The following NXNL2 variants were observed in gnomAD, a reference collection of about 807,000 sequenced individuals.
NXNL2 encodes the protein nucleoredoxin like 2.
Under a neutral mutation model 11.1 loss-of-function variants are expected in NXNL2, and 7 were observed. That is an observed-to-expected ratio of 0.63 (90% CI 0.36 to 1.18). The LOEUF is 1.18. Ranked by LOEUF, NXNL2 falls within the 50% of genes most tolerant of loss-of-function variation. The pLI, the probability that NXNL2 is intolerant of heterozygous loss-of-function variation, is 0.02. For missense variants in NXNL2, 233 were observed against 217.7 expected, an observed-to-expected ratio of 1.07 and a Z score of -0.44; for synonymous variants, 109 against 101.8, an observed-to-expected ratio of 1.07 and a Z score of -0.42.
chr9:88,576,572 C>T (rs910048614), downstream of NXNL2, among the ~76,000 whole-genome samples: 34 of 152,260 alleles, frequency 2.2e-4, no homozygotes, highest in African/African-American at 7.7e-4. Flanking sequence ...GACATGTCTG[C>T]TCTCCTGAGG....
At chr9:88,536,367 A>G (rs560994082) in intron 1 of NXNL2, among the ~76,000 whole-genome samples, 14 of 152,266 alleles carry the variant, frequency 9.2e-5, no homozygotes, top group African/African-American at 3.4e-4. Flanking sequence ...AGAGAAGCAT[A>G]AAACTCATTA....
chr9:88,574,283 G>A lies in NXNL2; in HGVS notation c.*17-804G>A, dbSNP rs117928888. 2.2e-3 allele frequency among the ~76,000 whole-genome samples: 339 copies of A among 152,270 alleles called. 1 individual carries two copies. The highest frequency in any genetic ancestry group is 4.2e-3 in the Non-Finnish European group (286 of 68,024). On this transcript the variant is annotated intron_variant, in intron 2 of 2. Transcript: ENST00000375855. ...CCATACTGTAAACCAAAGAGTATCC[G>A]ATACAAGTCTTGATCAATTTAGGAA...
chr9:88,573,879 C>T (rs998164459), intron 2 of NXNL2, among the ~76,000 whole-genome samples: 4 of 152,126 alleles, frequency 2.6e-5, no homozygotes, highest in Non-Finnish European at 2.9e-5. Context: ...AAGTGCTAAA[C>T]GTTAGTAGTT....
intron 1 of NXNL2, among the ~76,000 whole-genome samples, chr9:88,536,871 T>C (rs1829632789): frequency 6.6e-6 from 1 of 152,238 alleles, no homozygotes; most frequent in South Asian, 2.1e-4. Flanking sequence ...GTTCTATTGA[T>C]AATGAATCTC....
At chr9:88,564,712 A>C (rs1830142630) in intron 1 of NXNL2, among the ~76,000 whole-genome samples, 1 of 152,150 alleles carries the variant, frequency 6.6e-6, no homozygotes, top group Non-Finnish European at 1.5e-5. Flanking sequence ...CACTGTGCCC[A>C]GCTGTATCTA....
At chr9:88,545,025 GA>G, downstream of NXNL2, 1 of 339,430 alleles carries the variant, frequency 2.9e-6, no homozygotes, top group Non-Finnish European at 4.2e-6. Flanking sequence ...CCAGTAGGAA[GA>G]AAAGGAGTCT....
intron 1 of NXNL2, among the ~76,000 whole-genome samples, chr9:88,551,380 C>A (rs1443153344): frequency 6.6e-6 from 1 of 151,816 alleles, no homozygotes; most frequent in Non-Finnish European, 1.5e-5. Flanking sequence ...TATTTTTGTT[C>A]TACTTTTTGA....
At chr9:88,543,734 T>C (rs1361402538) in intron 1 of NXNL2, among the ~76,000 whole-genome samples, 4 of 152,230 alleles carry the variant, frequency 2.6e-5, no homozygotes, top group Non-Finnish European at 5.9e-5. Context: ...TTAATTAAAA[T>C]GAAAACTTCA....
At chr9:88,577,574 G>A (rs1830362414), downstream of NXNL2, among the ~76,000 whole-genome samples, 1 of 151,922 alleles carries the variant, frequency 6.6e-6, no homozygotes, top group African/African-American at 2.4e-5. Context: ...CTGGCTTGTG[G>A]ACACTGTGTC....
intron 1 of NXNL2, among the ~76,000 whole-genome samples, chr9:88,559,942 G>C (rs1044548705): frequency 1.3e-5 from 2 of 152,180 alleles, no homozygotes; most frequent in African/African-American, 2.4e-5. Flanking sequence ...GGATGTGAGT[G>C]TCTGGAGGGT....
intron 1 of NXNL2, among the ~76,000 whole-genome samples, chr9:88,542,352 G>T (rs994439219): frequency 4.0e-5 from 6 of 151,674 alleles, no homozygotes; most frequent in Non-Finnish European, 7.4e-5. Flanking sequence ...GCAGTGGCGC[G>T]ATCTCGGCTC....
chr9:88,560,386 T>A (rs1385012542), intron 1 of NXNL2, among the ~76,000 whole-genome samples: 1 of 151,750 alleles, frequency 6.6e-6, no homozygotes, highest in African/African-American at 2.4e-5. Flanking sequence ...ATGCTAAACC[T>A]CACTTGTCAT....
intron 2 of NXNL2, among the ~76,000 whole-genome samples, chr9:88,572,702 AC>A (rs1479213530): frequency 6.6e-6 from 1 of 152,132 alleles, no homozygotes; most frequent in Non-Finnish European, 1.5e-5. Context: ...CGCTTTAATG[AC>A]GGACACCTTA....
chr9:88,582,595 CCTTCCTTCCTTCCTTT>C (rs1417953745), intron 1 of NXNL2, among the ~76,000 whole-genome samples: 4 of 151,792 alleles, frequency 2.6e-5, no homozygotes, highest in East Asian at 1.9e-4. Flanking sequence ...AACAATCCTT[CCTTCCTTCCTTCCTTT>C]CTTCCTTCCT....
At chr9:88,577,892 T>G (rs558418477), downstream of NXNL2, among the ~76,000 whole-genome samples, 1 of 152,184 alleles carries the variant, frequency 6.6e-6, no homozygotes. Flanking sequence ...CTAGAAACCC[T>G]GGGTCCAGCG....
At chr9:88,555,344 T>A (rs1829994118) in intron 1 of NXNL2, among the ~76,000 whole-genome samples, 1 of 151,882 alleles carries the variant, frequency 6.6e-6, no homozygotes, top group Non-Finnish European at 1.5e-5. Context: ...AAACCCGGGG[T>A]TCCTCCTCTT....
downstream of NXNL2, among the ~76,000 whole-genome samples, chr9:88,546,321 G>C (rs1316534657): frequency 1.3e-5 from 2 of 152,044 alleles, no homozygotes; most frequent in Non-Finnish European, 2.9e-5. Flanking sequence ...GTCCACCTCG[G>C]CTGGGCTGGC....
At chr9:88,566,395 C>T (rs553644099) in intron 1 of NXNL2, among the ~76,000 whole-genome samples, 9 of 152,048 alleles carry the variant, frequency 5.9e-5, no homozygotes, top group Admixed American at 3.3e-4. Flanking sequence ...CTCTGCCTTC[C>T]GCGTTCAAGC....
chr9:88,580,213 G>A (rs1020623935), downstream of NXNL2, among the ~76,000 whole-genome samples: 2 of 150,816 alleles, frequency 1.3e-5, no homozygotes, highest in African/African-American at 4.9e-5. Context: ...GAGTACAGTG[G>A]TGAAATCTCA....
Sources: gnomAD v4.1 joint callset for allele counts (sites outside exome capture counted in the v4.1 genomes callset) on GRCh38, gnomAD v4.1.1 for gene constraint, MANE v1.5 for transcripts, NCBI Gene and HGNC (gene_info 2026-07-23, HGNC 2026-07-21) for gene names.